The following ZNRF1 variants were observed in gnomAD, a reference collection of about 807,000 sequenced individuals.
ZNRF1 encodes E3 ubiquitin-protein ligase ZNRF1.
Under a neutral mutation model 18.4 loss-of-function variants are expected in ZNRF1, and 3 were observed. The ratio of observed to expected loss-of-function variants is 0.16; its 90% CI spans 0.07 to 0.42. The LOEUF (loss-of-function observed/expected upper bound fraction) is 0.42. Among genes scored for constraint, ZNRF1 ranks in the 10% least tolerant of loss-of-function variants. The probability of loss-of-function intolerance (pLI) is 0.99; values close to 1 mark genes in which losing one functional copy is unlikely to be tolerated. For synonymous variants in ZNRF1, 157 were observed against 144.2 expected, an observed-to-expected ratio of 1.09 and a Z score of -0.64; for missense variants, 310 against 329.8, an observed-to-expected ratio of 0.94 and a Z score of 0.47.
intron 4 of ZNRF1, 126 bp downstream of exon 4, chr16:75,106,697 C>T: frequency 2.9e-6 from 2 of 691,300 alleles, no homozygotes; most frequent in Non-Finnish European, 5.0e-6. Flanking sequence ...AGGGAAGGAG[C>T]ACCTCATCAG....
intron 1 of ZNRF1, among the ~76,000 whole-genome samples, chr16:75,062,880 T>A (rs960401279): frequency 4.6e-5 from 7 of 152,208 alleles, no homozygotes; most frequent in African/African-American, 1.7e-4. Flanking sequence ...CTGACAATAT[T>A]ATAGAACATT....
At chr16:75,032,883 T>A (rs2035324377) in intron 1 of ZNRF1, among the ~76,000 whole-genome samples, 1 of 152,078 alleles carries the variant, frequency 6.6e-6, no homozygotes, top group Non-Finnish European at 1.5e-5. Flanking sequence ...CATGGTGGTA[T>A]ATGCCTGTAG....
At chr16:75,050,858 A>T (rs1459269529) in intron 1 of ZNRF1, among the ~76,000 whole-genome samples, 3 of 118,584 alleles carry the variant, frequency 2.5e-5, no homozygotes, top group Non-Finnish European at 3.4e-5. Flanking sequence ...GCGACAGAGC[A>T]AGACTCCGTC....
intron 1 of ZNRF1, among the ~76,000 whole-genome samples, chr16:75,067,269 C>T (rs2035817820): frequency 6.6e-6 from 1 of 152,176 alleles, no homozygotes; most frequent in South Asian, 2.1e-4. Context: ...TTCTGACTGC[C>T]CCTTGGAAGT....
At chr16:75,042,067 T>C (rs2035455223) in intron 1 of ZNRF1, among the ~76,000 whole-genome samples, 1 of 152,180 alleles carries the variant, frequency 6.6e-6, no homozygotes, top group Admixed American at 6.5e-5. Flanking sequence ...GAAGGTCCAA[T>C]GATTTTCTGT....
At position 75,107,991 on chromosome 16, in the gene ZNRF1, T is replaced by A; in HGVS notation, c.*291T>A. 1 of 328,660 alleles carries A rather than the reference T, an allele frequency of 3.0e-6. No homozygotes were observed. Among genetic ancestry groups the A allele is most frequent in the Non-Finnish European group, 6.0e-6 (1 of 165,474 alleles). The allele number at this position is 328,660 out of a possible 1,614,324, so 20.4% of individuals were successfully genotyped here. ...CTTTGAAAGGCATTGTGGGTCTGTC[T>A]TTAAAGTGTTTACAAAAAAAAATTA... is the stretch of plus-strand genomic sequence containing the variant. On this transcript the variant is annotated 3_prime_UTR_variant, in exon 5 of 5. Coordinates refer to ENST00000335325, the MANE Select transcript of ZNRF1 (RefSeq NM_032268.5).
At chr16:75,106,824 G>A in intron 4 of ZNRF1, 1 of 403,570 alleles carries the variant, frequency 2.5e-6, no homozygotes, top group Non-Finnish European at 4.6e-6. Flanking sequence ...GAAGAGACCA[G>A]TACAATCTAC....
At chr16:75,099,150 G>A (rs1476693069) in intron 2 of ZNRF1, among the ~76,000 whole-genome samples, 2 of 152,210 alleles carry the variant, frequency 1.3e-5, no homozygotes, top group Non-Finnish European at 2.9e-5. Context: ...GTCGCTGGGT[G>A]GCAGAAACTT....
At chr16:75,051,051 A>G (rs77095168) in intron 1 of ZNRF1, among the ~76,000 whole-genome samples, 1 of 18,176 alleles carries the variant, frequency 5.5e-5, no homozygotes, top group East Asian at 4.0e-3. Context: ...AAAAAAAAAC[A>G]AAACCTGGGT....
intron 1 of ZNRF1, among the ~76,000 whole-genome samples, chr16:75,081,494 AGTT>A (rs2036012221): frequency 6.6e-6 from 1 of 152,202 alleles, no homozygotes; most frequent in Non-Finnish European, 1.5e-5. Context: ...CCTTGGCTCC[AGTT>A]GTTGCTGATT....
At chr16:75,064,096 T>G (rs2035774205) in intron 1 of ZNRF1, among the ~76,000 whole-genome samples, 1 of 151,800 alleles carries the variant, frequency 6.6e-6, no homozygotes, top group African/African-American at 2.4e-5. Flanking sequence ...CTCAGGAGTT[T>G]GAGACCAGCC....
intron 1 of ZNRF1, among the ~76,000 whole-genome samples, chr16:75,044,676 A>T (rs1343850315): frequency 6.6e-6 from 1 of 152,122 alleles, no homozygotes; most frequent in African/African-American, 2.4e-5. Flanking sequence ...CTTGACTTTC[A>T]GGCTTCCTCA....
chr16:75,034,585 T>C (rs1323720158), intron 1 of ZNRF1, among the ~76,000 whole-genome samples: 1 of 152,178 alleles, frequency 6.6e-6, no homozygotes, highest in East Asian at 1.9e-4. Flanking sequence ...AACACGAATA[T>C]ACAAACATCC....
rs2034816594 is a variant in ZNRF1, at chr16:74,999,896, C to G, written c.225C>G (p.Ala75=). ...TGCCCTTTGGCCTCTACACCCCCGC[C>G]TCCCGGGGCACCGGCGACTCCGAGA... is the stretch of plus-strand genomic sequence containing the variant. ...GGVPFGLYTP[A]SRGTGDSERA... Residue 75 remains alanine (A), a synonymous_variant, in exon 1 of 5, where the codon GCC becomes GCG. Coordinates refer to ENST00000335325, the MANE Select transcript of ZNRF1 (RefSeq NM_032268.5). The G allele has an allele frequency of 6.5e-7, 1 of 1,542,508 alleles. No individual in the cohort carries two copies. The highest frequency in any genetic ancestry group is 8.7e-7 in the Non-Finnish European group (1 of 1,146,934).
At chr16:75,056,709 C>G (rs1441278404) in intron 1 of ZNRF1, among the ~76,000 whole-genome samples, 1 of 152,106 alleles carries the variant, frequency 6.6e-6, no homozygotes, top group Non-Finnish European at 1.5e-5. Context: ...TCACTGCAAC[C>G]TCTACCTTCT....
chr16:75,045,716 CTTT>C (rs895489865), intron 1 of ZNRF1, among the ~76,000 whole-genome samples: 1 of 130,370 alleles, frequency 7.7e-6, no homozygotes. Flanking sequence ...TCTTCTTCGT[CTTT>C]TTTTTTTTTT....
intron 1 of ZNRF1, among the ~76,000 whole-genome samples, chr16:75,016,539 C>T (rs1372446079): frequency 6.9e-6 from 1 of 145,776 alleles, no homozygotes; most frequent in Non-Finnish European, 1.5e-5. Flanking sequence ...TGCACCCAGC[C>T]TATTTTTATT....
At chr16:75,007,100 C>A (rs2034929645) in intron 1 of ZNRF1, among the ~76,000 whole-genome samples, 1 of 146,226 alleles carries the variant, frequency 6.8e-6, no homozygotes, top group Admixed American at 7.0e-5. Flanking sequence ...TCGCTTTGTT[C>A]AGGCTGGAGT....
At chr16:75,098,543 G>T (rs1251276911) in intron 2 of ZNRF1, among the ~76,000 whole-genome samples, 1 of 152,250 alleles carries the variant, frequency 6.6e-6, no homozygotes, top group Non-Finnish European at 1.5e-5. Context: ...AAGGGGAGCT[G>T]ACAAGGCCTG....
Sources: allele counts gnomAD v4.1 joint callset (sites outside exome capture counted in the v4.1 genomes callset), GRCh38; gene constraint gnomAD v4.1.1; transcripts MANE v1.5; gene names NCBI Gene and HGNC (gene_info 2026-07-23, HGNC 2026-07-21).